Variants in NUDT3 observed in about 807,000 individuals in gnomAD.
NUDT3 encodes diphosphoinositol polyphosphate phosphohydrolase 1.
A neutral mutation model predicts 23.6 loss-of-function variants in NUDT3; 9 were observed. That is an observed-to-expected ratio of 0.38 (90% CI 0.23 to 0.66). NUDT3 has a LOEUF of 0.66. Ranked by LOEUF, NUDT3 falls within the 30% of genes least tolerant of loss-of-function variation. NUDT3 has a pLI of 0.52. For missense variants in NUDT3, 172 were observed against 218.5 expected, an observed-to-expected ratio of 0.79 and a Z score of 1.34; for synonymous variants, 86 against 82.6, an observed-to-expected ratio of 1.04 and a Z score of -0.22.
intron 1 of NUDT3, among the ~76,000 whole-genome samples, chr6:34,382,051 C>A (rs569575776): frequency 8.3e-6 from 1 of 120,346 alleles, no homozygotes; most frequent in South Asian, 2.6e-4. Flanking sequence ...CCAGCCTGAG[C>A]GACAGAGCGA....
intron 1 of NUDT3, among the ~76,000 whole-genome samples, chr6:34,384,832 A>C (rs896347208): frequency 6.6e-6 from 1 of 151,048 alleles, no homozygotes; most frequent in Admixed American, 6.6e-5. Flanking sequence ...AGGAGTTCAA[A>C]ACCAGCCTGA....
intron 2 of NUDT3, among the ~76,000 whole-genome samples, chr6:34,338,409 C>T (rs1010459805): frequency 1.3e-5 from 2 of 152,162 alleles, no homozygotes; most frequent in Non-Finnish European, 2.9e-5. Context: ...CCCGGCATGC[C>T]GTACAAACTG....
intron 1 of NUDT3, among the ~76,000 whole-genome samples, chr6:34,360,442 T>C (rs1186392796): frequency 6.6e-6 from 1 of 151,766 alleles, no homozygotes; most frequent in East Asian, 1.9e-4. Context: ...GGCATGGTGG[T>C]GGGCACTTGT....
intron 2 of NUDT3, among the ~76,000 whole-genome samples, chr6:34,303,778 C>CA (rs1763634773): frequency 2.0e-5 from 3 of 152,196 alleles, no homozygotes; most frequent in South Asian, 4.1e-4. Context: ...CTACAGCTTA[C>CA]AGGCCAAATC....
chr6:34,298,359 C>CA (rs1016859249), intron 2 of NUDT3, among the ~76,000 whole-genome samples: 2 of 151,884 alleles, frequency 1.3e-5, no homozygotes, highest in African/African-American at 2.4e-5. Context: ...CATCTTGTCT[C>CA]AAAAAAACAA....
rs557935403 is a variant in NUDT3, at chr6:34,282,693, G to A, written c.*6060C>T. The A allele has an allele frequency of 6.6e-6, 1 of 152,304 alleles. No homozygotes were observed. Among genetic ancestry groups the A allele is most frequent in the South Asian group, 2.1e-4 (1 of 4,830 alleles). 9.4% of individuals were successfully genotyped at this position (152,304 alleles called of 1,614,324 possible). ...GCTTGGGGGCAGGAAAGGGAGGGTG[G>A]AAGGATGGGTAGCACATCAAAATGG... On this transcript the variant is annotated 3_prime_UTR_variant, in exon 5 of 5. Transcript: ENST00000607016.
chr6:34,377,545 T>A (rs370660518), intron 1 of NUDT3, among the ~76,000 whole-genome samples: 1 of 152,050 alleles, frequency 6.6e-6, no homozygotes, highest in East Asian at 1.9e-4. Context: ...TTAAAAAGTG[T>A]GGAGAGGGCA....
intron 2 of NUDT3, among the ~76,000 whole-genome samples, chr6:34,309,389 A>C (rs1414583326): frequency 6.6e-6 from 1 of 151,444 alleles, no homozygotes; most frequent in Non-Finnish European, 1.5e-5. Context: ...ATGCAGTGAG[A>C]GTGGTGCTTA....
intron 2 of NUDT3, among the ~76,000 whole-genome samples, chr6:34,313,915 T>C (rs893704354): frequency 2.0e-5 from 3 of 150,802 alleles, no homozygotes; most frequent in African/African-American, 4.9e-5. Context: ...CTGACCAACA[T>C]GGAGAAACCC....
intron 2 of NUDT3, among the ~76,000 whole-genome samples, chr6:34,302,260 G>A (rs759697815): frequency 1.3e-5 from 2 of 151,872 alleles, no homozygotes; most frequent in Non-Finnish European, 2.9e-5. Flanking sequence ...AAACTGCTGG[G>A]CTCAGGCAAT....
At chr6:34,328,784 T>G (rs1764081661) in intron 2 of NUDT3, among the ~76,000 whole-genome samples, 1 of 152,204 alleles carries the variant, frequency 6.6e-6, no homozygotes, top group African/African-American at 2.4e-5. Context: ...CTGCTATACT[T>G]ATGTTGAAAT....
chr6:34,338,041 G>C (rs1034939241), intron 2 of NUDT3, among the ~76,000 whole-genome samples: 1 of 152,230 alleles, frequency 6.6e-6, no homozygotes, highest in African/African-American at 2.4e-5. Context: ...AGTTCCTACA[G>C]AAAGAGTCAG....
rs1390860542 is a variant in NUDT3, at chr6:34,392,387, G to A, written c.-25C>T. ...TCCTCCGGGCCCGGGTGGGGGTGCG[G>A]TGCGGGTCGCAGGAGTCGAGGGGTG... On this transcript the variant is annotated 5_prime_UTR_variant, in exon 1 of 5. Coordinates refer to ENST00000607016, the MANE Select transcript of NUDT3 (RefSeq NM_006703.4). 18 of 1,581,418 alleles carry A rather than the reference G, an allele frequency of 1.1e-5. No homozygotes were observed. The highest frequency in any genetic ancestry group is 1.7e-4 in the Middle Eastern group (1 of 5,994).
chr6:34,380,253 T>C (rs1308112537), intron 1 of NUDT3, among the ~76,000 whole-genome samples: 1 of 152,130 alleles, frequency 6.6e-6, no homozygotes. Context: ...GGTTTCACCA[T>C]GTTGACCAAG....
At chr6:34,337,383 C>T (rs758369886) in intron 2 of NUDT3, among the ~76,000 whole-genome samples, 7 of 152,122 alleles carry the variant, frequency 4.6e-5, no homozygotes, top group East Asian at 3.9e-4. Context: ...TAAAGTTTCA[C>T]GATCAGGATT....
At chr6:34,383,818 T>A (rs1342883731) in intron 1 of NUDT3, among the ~76,000 whole-genome samples, 1 of 151,584 alleles carries the variant, frequency 6.6e-6, no homozygotes, top group Non-Finnish European at 1.5e-5. Context: ...AGGCAAAAAA[T>A]AACGTAATGG....
At chr6:34,384,155 GACAA>G (rs1765067689) in intron 1 of NUDT3, among the ~76,000 whole-genome samples, 1 of 152,166 alleles carries the variant, frequency 6.6e-6, no homozygotes. Flanking sequence ...GCATTTTACA[GACAA>G]ACAGGCCACC....
rs1371907383 is a variant in NUDT3, at chr6:34,341,950, C to T, written c.122G>A (p.Arg41His). The change falls in exon 2 of 5, where the codon CGC (arginine) becomes CAC (histidine). Residue 41 changes from arginine (R) to histidine (H), a missense_variant. By Grantham distance (29) the Arg-to-His change is conservative (BLOSUM62 0). This residue lies in a region of NUDT3 where 59 missense variants were observed against 107.4 expected (regional missense o/e 0.55). Transcript: ENST00000607016. Reference sequence around the variant, plus strand: ...AGGGACAATCCATCTGTCTGGATGGCGACTACTGCTCACGAGTAGCACCTG... The same window carrying T: ...AGGGACAATCCATCTGTCTGGATGGTGACTACTGCTCACGAGTAGCACCTG... ...EEEVLLVSSS[R>H]HPDRWIVPGG... 5.6e-6 allele frequency: 9 copies of T among 1,613,720 alleles called. No homozygotes were observed. The highest frequency in any genetic ancestry group is 7.6e-6 in the Non-Finnish European group (9 of 1,179,848).
chr6:34,375,153 ACCAACAC>A (rs1363106960), intron 1 of NUDT3, among the ~76,000 whole-genome samples: 31 of 152,034 alleles, frequency 2.0e-4, no homozygotes, highest in Middle Eastern at 3.4e-3. Context: ...GACCAGCCTG[ACCAACAC>A]GGTGAAACCC....
Sources: gnomAD v4.1 joint callset for allele counts (sites outside exome capture counted in the v4.1 genomes callset) on GRCh38, gnomAD v4.1.1 for gene constraint, gnomAD v4.1.1 regional missense constraint, MANE v1.5 for transcripts, NCBI Gene and HGNC (gene_info 2026-07-23, HGNC 2026-07-21) for gene names.